Variants in NCKAP5 observed in about 807,000 individuals in gnomAD.
The protein encoded by NCKAP5 is nck-associated protein 5.
NCKAP5 carries 92 observed loss-of-function variants against 167.0 expected under a neutral mutation model. The ratio of observed to expected loss-of-function variants is 0.55; its 90% confidence interval spans 0.47 to 0.66. The LOEUF (loss-of-function observed/expected upper bound fraction) is 0.66, where lower values mean the gene tolerates loss of function less well. Among genes scored for constraint, NCKAP5 ranks in the 30% least tolerant of loss-of-function variants. NCKAP5 has a pLI of 0.00. For missense variants in NCKAP5, 2,378 were observed against 2,315.0 expected (o/e 1.03, Z -0.56); for synonymous variants, 891 against 877.4 (o/e 1.02, Z -0.27).
At chr2:133,388,662 C>T (rs1687172939) in intron 3 of NCKAP5, among the ~76,000 whole-genome samples, 1 of 152,184 alleles carries the variant, frequency 6.6e-6, no homozygotes, top group Non-Finnish European at 1.5e-5. Context: ...GGCAGGCCTC[C>T]TTGAACTGTG....
At chr2:133,421,893 G>A (rs1689501540) in intron 3 of NCKAP5, among the ~76,000 whole-genome samples, 1 of 152,126 alleles carries the variant, frequency 6.6e-6, no homozygotes, top group South Asian at 2.1e-4. Flanking sequence ...ATAGCTAGAG[G>A]GTGTGCCTGC....
intron 8 of NCKAP5, among the ~76,000 whole-genome samples, chr2:132,961,156 C>G (rs2076499844): frequency 6.6e-6 from 1 of 152,006 alleles, no homozygotes; most frequent in South Asian, 2.1e-4. Flanking sequence ...TGACTGCAGT[C>G]TGTCAAAATC....
chr2:132,842,340 T>C (rs1688349702), intron 11 of NCKAP5, among the ~76,000 whole-genome samples: 2 of 152,116 alleles, frequency 1.3e-5, no homozygotes, highest in African/African-American at 2.4e-5. Flanking sequence ...GATTTGACTA[T>C]TTTTATTGGT....
At chr2:133,383,867 T>G (rs1686718491) in intron 3 of NCKAP5, among the ~76,000 whole-genome samples, 1 of 152,244 alleles carries the variant, frequency 6.6e-6, no homozygotes, top group African/African-American at 2.4e-5. Context: ...TGTCTTCTTT[T>G]GAGAAGTGTC....
chr2:132,778,886 T>C (rs946117509), intron 15 of NCKAP5, among the ~76,000 whole-genome samples: 2 of 152,200 alleles, frequency 1.3e-5, no homozygotes, highest in Non-Finnish European at 2.9e-5. Context: ...CAAAGGAGTC[T>C]ATAGCAACGT....
At chr2:133,599,783 C>T in the NCKAP5 span, among the ~76,000 whole-genome samples, 5 of 152,176 alleles carry the variant, frequency 3.3e-5, no homozygotes, top group African/African-American at 7.2e-5. Context: ...GCATGAGGAG[C>T]GCCTGCACAT....
intron 7 of NCKAP5, among the ~76,000 whole-genome samples, chr2:132,972,803 C>T (rs532057965): frequency 6.7e-6 from 1 of 149,908 alleles, no homozygotes; most frequent in South Asian, 2.1e-4. Flanking sequence ...GCAGAGGTTG[C>T]AGTGAGCCAA....
chr2:132,710,349 T>A (rs1688727426), intron 19 of NCKAP5, among the ~76,000 whole-genome samples: 1 of 152,226 alleles, frequency 6.6e-6, no homozygotes, highest in Admixed American at 6.5e-5. Flanking sequence ...CAATCAAGAA[T>A]GTCTATCACC....
intron 11 of NCKAP5, among the ~76,000 whole-genome samples, chr2:132,799,734 A>T (rs1021642216): frequency 8.5e-5 from 13 of 152,128 alleles, no homozygotes; most frequent in Non-Finnish European, 1.8e-4. Context: ...GTTTAGTTTT[A>T]AAAAAATAAT....
At chr2:133,671,523 T>C in the NCKAP5 span, among the ~76,000 whole-genome samples, 4 of 151,994 alleles carry the variant, frequency 2.6e-5, no homozygotes, top group Non-Finnish European at 5.9e-5. Context: ...CTGGTGGTTT[T>C]ATAAGAAGAG....
At chr2:133,337,185 A>G (rs1183938768) in intron 3 of NCKAP5, among the ~76,000 whole-genome samples, 1 of 152,192 alleles carries the variant, frequency 6.6e-6, no homozygotes. Context: ...CACATAGTAC[A>G]TGGACTCACA....
intron 19 of NCKAP5, among the ~76,000 whole-genome samples, chr2:132,724,797 T>C (rs1690287194): frequency 6.6e-6 from 1 of 152,100 alleles, no homozygotes; most frequent in African/African-American, 2.4e-5. Context: ...TACATGCTAC[T>C]CTAACCCTCC....
At chr2:133,665,753 T>C in the NCKAP5 span, among the ~76,000 whole-genome samples, 2 of 152,198 alleles carry the variant, frequency 1.3e-5, no homozygotes, top group African/African-American at 2.4e-5. Context: ...CAAAGCACAA[T>C]AAAACAAAGT....
intron 11 of NCKAP5, among the ~76,000 whole-genome samples, chr2:132,813,001 T>C (rs1454310174): frequency 1.3e-5 from 2 of 152,174 alleles, no homozygotes; most frequent in Non-Finnish European, 2.9e-5. Context: ...TCTAATGCCA[T>C]CACCTTGGGG....
chr2:133,453,569 G>T (rs576942426), intron 3 of NCKAP5, among the ~76,000 whole-genome samples: 2 of 152,008 alleles, frequency 1.3e-5, no homozygotes, highest in African/African-American at 4.8e-5. Flanking sequence ...GTTGGAATTT[G>T]ACAAAATAAG....
intron 6 of NCKAP5, among the ~76,000 whole-genome samples, chr2:133,105,999 C>T (rs891401809): frequency 1.3e-5 from 2 of 151,982 alleles, no homozygotes; most frequent in Non-Finnish European, 2.9e-5. Context: ...CTACCTAAAC[C>T]CGTCCCTCCT....
intron 6 of NCKAP5, among the ~76,000 whole-genome samples, chr2:133,127,240 A>C (rs772851628): frequency 6.6e-5 from 10 of 152,210 alleles, no homozygotes; most frequent in Non-Finnish European, 1.0e-4. Context: ...ATAACTAGAA[A>C]TATCTTAAAA....
chr2:133,377,404 C>A (rs1042134454), intron 3 of NCKAP5, among the ~76,000 whole-genome samples: 2 of 152,152 alleles, frequency 1.3e-5, no homozygotes, highest in African/African-American at 2.4e-5. Context: ...TTCTTGAATT[C>A]TTGGTGAATG....
At chr2:133,139,888 G>A (rs1473947774) in intron 5 of NCKAP5, among the ~76,000 whole-genome samples, 1 of 152,192 alleles carries the variant, frequency 6.6e-6, no homozygotes, top group East Asian at 1.9e-4. Flanking sequence ...AAGACATTGA[G>A]TAATAACCCA....
Sources: allele counts gnomAD v4.1 joint callset (sites outside exome capture counted in the v4.1 genomes callset), GRCh38; gene constraint gnomAD v4.1.1; transcripts MANE v1.5; gene names NCBI Gene and HGNC (gene_info 2026-07-23, HGNC 2026-07-21).